COL4A2: variants seen among roughly 807,000 people sequenced by gnomAD.
COL4A2 encodes collagen type IV alpha 2 chain, also known as collagen alpha-2(IV) chain.
Under a neutral mutation model 200.2 loss-of-function variants are expected in COL4A2, and 99 were observed. The ratio of observed to expected loss-of-function variants is 0.49; its 90% CI spans 0.42 to 0.58. The LOEUF (loss-of-function observed/expected upper bound fraction) is 0.58, where lower values mean the gene tolerates loss of function less well. Among genes scored for constraint, COL4A2 ranks in the 20% least tolerant of loss-of-function variants. The pLI is 0.00. For missense variants in COL4A2, 1,950 were observed against 2,314.1 expected, an observed-to-expected ratio of 0.84 and a Z score of 3.23; for synonymous variants, 897 against 900.6, an observed-to-expected ratio of 1.00 and a Z score of 0.07.
chr13:110,444,753 C>T (rs1298945888), intron 16 of COL4A2, among the ~76,000 whole-genome samples: 1 of 152,186 alleles, frequency 6.6e-6, no homozygotes, highest in Non-Finnish European at 1.5e-5. Context: ...TTTTAGAGAG[C>T]TTTACTCTTC....
intron 3 of COL4A2, among the ~76,000 whole-genome samples, chr13:110,336,278 C>T (rs1446379691): frequency 2.0e-5 from 3 of 152,058 alleles, no homozygotes; most frequent in Admixed American, 2.0e-4. Context: ...TTCATGAACA[C>T]GCAGGGAATC....
rs1248792503 is a variant in COL4A2, at chr13:110,358,708, G to A, written c.180+1156G>A. On this transcript the variant is annotated intron_variant, in intron 4 of 47. Coordinates refer to ENST00000360467, the MANE Select transcript of COL4A2 (RefSeq NM_001846.4). ...GTTGTTGACCAAAAAGTCATGATGC[G>A]GTGCCTGATTGTACTTCCATTTGAA... 3.9e-5 allele frequency among the ~76,000 whole-genome samples: 6 copies of A among 152,046 alleles called. No homozygotes were observed. In the South Asian group the frequency reaches 1.2e-3, roughly 32 times the overall value.
intron 24 of COL4A2, among the ~76,000 whole-genome samples, chr13:110,464,807 A>G (rs956353010): frequency 7.2e-5 from 11 of 152,052 alleles, no homozygotes; most frequent in African/African-American, 2.7e-4. Context: ...CGCAGATCAC[A>G]CCAGCATCAC....
chr13:110,469,413 C>T, intron 28 of COL4A2, 89 bp downstream of exon 28: 1 of 1,312,702 alleles, frequency 7.6e-7, no homozygotes, highest in Non-Finnish European at 1.0e-6. Flanking sequence ...TTATCTTCCA[C>T]TTTGTAGAAG....
intron 6 of COL4A2, among the ~76,000 whole-genome samples, chr13:110,427,136 GT>G (rs1288213718): frequency 6.6e-6 from 1 of 152,158 alleles, no homozygotes; most frequent in Non-Finnish European, 1.5e-5. Flanking sequence ...TTGTGTGGGG[GT>G]TTTGAGGTTT....
chr13:110,392,883 G>A (rs1388961690), intron 4 of COL4A2, among the ~76,000 whole-genome samples: 3 of 152,214 alleles, frequency 2.0e-5, no homozygotes, highest in Non-Finnish European at 4.4e-5. Flanking sequence ...ATTGTATTAA[G>A]TCTGTAAGTT....
At chr13:110,456,780 C>G (rs1197030603) in intron 20 of COL4A2, 1 of 477,208 alleles carries the variant, frequency 2.1e-6, no homozygotes, top group South Asian at 1.5e-5. Context: ...TGCCTCACAA[C>G]TGGGTGGGAT....
intron 35 of COL4A2, 40 bp from the exon 36 acceptor site, chr13:110,489,671 G>A: frequency 6.2e-7 from 1 of 1,612,764 alleles, no homozygotes; most frequent in Non-Finnish European, 8.5e-7. Context: ...AAGTCCCAGT[G>A]GAAAGTCCTG....
At chr13:110,435,753 A>G (rs1020215365) in intron 12 of COL4A2, among the ~76,000 whole-genome samples, 2 of 152,240 alleles carry the variant, frequency 1.3e-5, no homozygotes, top group African/African-American at 4.8e-5. Flanking sequence ...CACCACATCA[A>G]AAAGTGTTTT....
intron 47 of COL4A2, among the ~76,000 whole-genome samples, chr13:110,509,270 T>TATATATACACAC (rs1435137108): frequency 7.8e-5 from 9 of 115,576 alleles, no homozygotes; most frequent in African/African-American, 3.1e-4. Context: ...TATATATATA[T>TATATATACACAC]ACACACACAC....
intron 11 of COL4A2, among the ~76,000 whole-genome samples, chr13:110,434,004 A>C (rs535886645): frequency 6.8e-4 from 103 of 152,372 alleles, no homozygotes; most frequent in South Asian, 4.8e-3. Flanking sequence ...TATTTTGCCA[A>C]AATGAGAGAA....
At chr13:110,505,017 A>G (rs1328872893) in intron 45 of COL4A2, among the ~76,000 whole-genome samples, 1 of 152,026 alleles carries the variant, frequency 6.6e-6, no homozygotes, top group Non-Finnish European at 1.5e-5. Flanking sequence ...ACCTGAGCTC[A>G]GTTTGAGCCA....
At chr13:110,486,723 C>T (rs1310098995) in intron 34 of COL4A2, among the ~76,000 whole-genome samples, 3 of 150,946 alleles carry the variant, frequency 2.0e-5, no homozygotes, top group South Asian at 2.1e-4. Context: ...GGGGTGGGGC[C>T]GTTTTATAGG....
intron 3 of COL4A2, among the ~76,000 whole-genome samples, chr13:110,349,835 C>T (rs1257690439): frequency 6.6e-6 from 1 of 152,022 alleles, no homozygotes; most frequent in Admixed American, 6.5e-5. Flanking sequence ...ACAGTCGTGG[C>T]TCACTAAAAC....
intron 4 of COL4A2, among the ~76,000 whole-genome samples, chr13:110,419,988 G>C (rs1880185557): frequency 6.6e-6 from 1 of 152,200 alleles, no homozygotes; most frequent in Non-Finnish European, 1.5e-5. Context: ...ATGCCAGGAT[G>C]GGGGTTATGG....
At chr13:110,497,766 C>T (rs111646073) in intron 40 of COL4A2, among the ~76,000 whole-genome samples, 6,063 of 74,918 alleles carry the variant, frequency 0.081, 765 homozygotes, top group Non-Finnish European at 0.13. Flanking sequence ...GGGGTCAGTC[C>T]AGCAGCACAG....
At chr13:110,364,112 G>A (rs1006386823) in intron 4 of COL4A2, among the ~76,000 whole-genome samples, 1 of 152,148 alleles carries the variant, frequency 6.6e-6, no homozygotes, top group Admixed American at 6.5e-5. Flanking sequence ...ACTTTTAAAC[G>A]GTGTGCCCAG....
At chr13:110,484,566 A>C (rs1005083458) in intron 32 of COL4A2, among the ~76,000 whole-genome samples, 2 of 152,158 alleles carry the variant, frequency 1.3e-5, no homozygotes, top group Admixed American at 6.5e-5. Flanking sequence ...TCATGGTCTC[A>C]TCAGAGCACA....
At chr13:110,369,384 C>T (rs1192291125) in intron 4 of COL4A2, among the ~76,000 whole-genome samples, 1 of 152,130 alleles carries the variant, frequency 6.6e-6, no homozygotes, top group Non-Finnish European at 1.5e-5. Context: ...TCAGATTTTT[C>T]AGTTTAGGGT....
Sources: allele counts gnomAD v4.1 joint callset (sites outside exome capture counted in the v4.1 genomes callset), GRCh38; gene constraint gnomAD v4.1.1; transcripts MANE v1.5; gene names NCBI Gene and HGNC (gene_info 2026-07-23, HGNC 2026-07-21).